TMEM201: variants seen among roughly 807,000 people sequenced by gnomAD.
TMEM201 encodes the protein RP13-15M17.2.
In TMEM201, 26 loss-of-function variants were observed where a neutral mutation model predicts 63.4. That is an observed-to-expected ratio of 0.41 (90% CI 0.30 to 0.57). The LOEUF is 0.57. TMEM201 is among the 20% of genes least tolerant of loss of function. The pLI, the probability that TMEM201 is intolerant of heterozygous loss-of-function variation, is 0.29. For missense variants in TMEM201, 794 were observed against 917.7 expected (o/e 0.87, Z 1.74); for synonymous variants, 417 against 421.6 (o/e 0.99, Z 0.14).
chr1:9,613,425 C>G lies in TMEM201; in HGVS notation c.*342C>G. The G allele has an allele frequency of 2.9e-6, 1 of 344,954 alleles. No homozygotes were observed. Among genetic ancestry groups the G allele is most frequent in the East Asian group, 5.4e-5 (1 of 18,424 alleles). 21.4% of individuals were successfully genotyped at this position (344,954 alleles called of 1,614,324 possible). On this transcript the variant is annotated 3_prime_UTR_variant, in exon 11 of 11. Transcript: ENST00000340381. ...GCCCTGCCTGGCAGGGACGCCAGTA[C>G]TACTGTAACTGCAGCAGGAGCTGCC... is the stretch of plus-strand genomic sequence containing the variant.
rs1407733443 is a variant in TMEM201 at position 9,614,123 on chromosome 1, A to G, written c.*1040A>G. On this transcript the variant is annotated 3_prime_UTR_variant, in exon 11 of 11. Transcript: ENST00000340381. ...GCTATCAGAGCCCCTCCGCTGTCCC[A>G]CCCTGGGCCTGGGACACGGGCCTGG... The G allele has an allele frequency of 1.3e-5, 2 of 150,414 alleles. No individual in the cohort carries two copies. The highest frequency in any genetic ancestry group is 4.9e-5 in the African/African-American group (2 of 40,702). 9.3% of individuals were successfully genotyped at this position (150,414 alleles called of 1,614,324 possible).
In TMEM201 at chr1:9,610,407, C is replaced by T; in HGVS notation, c.1466-99C>T. On this transcript the variant is annotated intron_variant, in intron 8 of 10. Coordinates refer to ENST00000340381, the MANE Select transcript of TMEM201 (RefSeq NM_001130924.3). The surrounding 1 kb of genome is among the most constrained non-coding windows in gnomAD (Gnocchi z 4.9). ...CCAGTCTCTGCACCTTTCCTGTCTT[C>T]CCGGGTTAATAGAAGAATGCCCCCA... 1.6e-6 allele frequency: 2 copies of T among 1,230,390 alleles called. No homozygotes were observed. The highest frequency in any genetic ancestry group is 2.2e-6 in the Non-Finnish European group (2 of 908,078). 76.2% of individuals were successfully genotyped at this position (1,230,390 alleles called of 1,614,324 possible). A position where few individuals can be genotyped will look rare whatever the true frequency, so the allele number is the denominator to read the frequency against.
rs1337330304 is a variant in TMEM201 at position 9,607,368 on chromosome 1, A to G, written c.1161-189A>G. The stretch of plus-strand genomic sequence containing the variant: ...GGGCCGGGTCTTGCTGGCACCTCCC[A>G]GCCACCCGCTCCTAATGGCGTGAAT... On this transcript the variant is annotated intron_variant, in intron 6 of 10. Coordinates refer to ENST00000340381, the MANE Select transcript of TMEM201 (RefSeq NM_001130924.3). The surrounding 1 kb of genome is among the most constrained non-coding windows in gnomAD (Gnocchi z 5.4). Among the ~76,000 whole-genome samples, 1 of 151,828 alleles carries G rather than the reference A, an allele frequency of 6.6e-6. No homozygotes were observed. The highest frequency in any genetic ancestry group is 2.4e-5 in the African/African-American group (1 of 41,312).
rs1644234429 is a variant in TMEM201, at chr1:9,605,927, C to T, written c.1161-1630C>T. 6.6e-6 allele frequency among the ~76,000 whole-genome samples: 1 copy of T among 152,180 alleles called. No homozygotes were observed. The highest frequency in any genetic ancestry group is 2.4e-5 in the African/African-American group (1 of 41,438). On this transcript the variant is annotated intron_variant, in intron 6 of 10. Transcript: ENST00000340381. This position sits in a 1 kb window ranked among gnomAD's most constrained non-coding sequence, Gnocchi z 5.7. ...ACATCCCCCAACGGTACTCTCAGGT[C>T]ACTGGGGGACCTGGTCACCCTTGGC...
At chr1:9,597,241 TGTTA>T (rs1375170955) in intron 3 of TMEM201, among the ~76,000 whole-genome samples, 188 bp downstream of exon 3, 1 of 152,146 alleles carries the variant, frequency 6.6e-6, no homozygotes, top group Non-Finnish European at 1.5e-5. Context: ...TTCCAGGATG[TGTTA>T]GTTCTTCTGA....
At position 9,610,046 on chromosome 1, in the gene TMEM201, C is replaced by A; in HGVS notation, c.1465+135C>A. On this transcript the variant is annotated intron_variant, in intron 8 of 10. Transcript: ENST00000340381. This position sits in a 1 kb window ranked among gnomAD's most constrained non-coding sequence, Gnocchi z 4.9. ...TCACATCTCAGCCCTGGGCAAGTGA[C>A]CTACACACCTGTGCCTCAGTTTCCT... is the stretch of plus-strand genomic sequence containing the variant. 1.3e-6 allele frequency: 1 copy of A among 776,046 alleles called. No homozygotes were observed. The highest frequency in any genetic ancestry group is 1.6e-5 in the South Asian group (1 of 61,592). The allele number at this position is 776,046 out of a possible 1,614,324, so 48.1% of individuals were successfully genotyped here.
intron 4 of TMEM201, among the ~76,000 whole-genome samples, chr1:9,600,353 C>G (rs996894741): frequency 2.2e-4 from 34 of 152,186 alleles, no homozygotes; most frequent in African/African-American, 8.2e-4. Context: ...GCAAGTTTCT[C>G]AGCTTCCCTG....
intron 2 of TMEM201, among the ~76,000 whole-genome samples, 192 bp downstream of exon 2, chr1:9,596,202 G>T (rs1440016658): frequency 6.6e-6 from 1 of 152,204 alleles, no homozygotes; most frequent in Non-Finnish European, 1.5e-5. Context: ...CACTGCCCTG[G>T]CGCTGTCTCC....
chr1:9,595,215 T>C (rs1643995403), intron 1 of TMEM201, among the ~76,000 whole-genome samples: 1 of 152,146 alleles, frequency 6.6e-6, no homozygotes. Context: ...GATCCCCCAG[T>C]GTCTGGGCTG....
chr1:9,602,194 C>G lies in TMEM201; in HGVS notation c.1082C>G (p.Ser361Cys), dbSNP rs1335409431. The G allele has an allele frequency of 8.1e-6, 13 of 1,613,202 alleles. No individual in the cohort carries two copies. The highest frequency in any genetic ancestry group is 1.0e-5 in the Non-Finnish European group (12 of 1,180,014). The change falls in exon 6 of 11, where the codon TCT becomes TGT. Residue 361 changes from serine to cysteine, a missense_variant. Ser to Cys is a moderately radical substitution (Grantham distance 112, BLOSUM62 -1). Coordinates refer to ENST00000340381, the MANE Select transcript of TMEM201 (RefSeq NM_001130924.3). The part of the protein sequence containing the change: ...WLDTLKFSTT[S>C]LCCLVGFTAA... ...GACACGCTCAAGTTCAGCACCACAT[C>G]TTTGTGCTGCCTGGTTGGCTTCACG...
chr1:9,596,175 TCTCA>T (rs1644016755), intron 2 of TMEM201, among the ~76,000 whole-genome samples, 165 bp downstream of exon 2: 1 of 152,204 alleles, frequency 6.6e-6, no homozygotes, highest in Non-Finnish European at 1.5e-5. Flanking sequence ...GTGTACATTG[TCTCA>T]CTCGATTCTC....
chr1:9,598,619 C>G lies in TMEM201; in HGVS notation c.600C>G (p.His200Gln). The G allele has an allele frequency of 1.2e-6, 2 of 1,612,698 alleles. No individual in the cohort carries two copies. The highest frequency in any genetic ancestry group is 2.2e-5 in the South Asian group (2 of 91,026). ...QFKRREADQTHAQNFSSAVKS... is the reference protein window; with the variant it reads ...QFKRREADQTQAQNFSSAVKS... Reference sequence around the variant, plus strand: ...AGCGCCGGGAGGCCGACCAGACCCACGCACAGGTGAGAGGCGGCATCCACA... The same window carrying G: ...AGCGCCGGGAGGCCGACCAGACCCAGGCACAGGTGAGAGGCGGCATCCACA... Residue 200 changes from histidine (H) to glutamine (Q), a missense_variant, in exon 4 of 11, where the codon CAC (histidine) becomes CAG (glutamine). Coordinates refer to ENST00000340381, the MANE Select transcript of TMEM201 (RefSeq NM_001130924.3).
At chr1:9,601,028 GCA>G (rs909604082) in intron 4 of TMEM201, 75 bp from the exon 5 acceptor site, 1 of 1,335,510 alleles carries the variant, frequency 7.5e-7, no homozygotes, top group African/African-American at 1.4e-5. Context: ...CCAGAACCCC[GCA>G]CAGACTGGCA....
Position 9,611,657 on chromosome 1 carries a change from C to A in TMEM201, c.1766-96C>A, listed in dbSNP as rs114261220. 13 of 1,508,508 alleles carry A rather than the reference C, an allele frequency of 8.6e-6. No individual in the cohort carries two copies. The East Asian group carries it at 3.2e-4, about 37-fold the overall frequency. The allele number at this position is 1,508,508 out of a possible 1,614,324, so 93.4% of individuals were successfully genotyped here. A position where few individuals can be genotyped will look rare whatever the true frequency, so the allele number is the denominator to read the frequency against. ...CTTGGGACAGCCTGGCTCACCACTT[C>A]TGACAACTGTCCTTAGAGTGGAAGT... On this transcript the variant is annotated intron_variant, in intron 9 of 10. Transcript: ENST00000340381.
chr1:9,591,769 T>C (rs572526546), intron 1 of TMEM201, among the ~76,000 whole-genome samples: 1 of 151,918 alleles, frequency 6.6e-6, no homozygotes, highest in Non-Finnish European at 1.5e-5. Context: ...GTTTCCAGGC[T>C]CCCCCCTCCC....
intron 7 of TMEM201, among the ~76,000 whole-genome samples, chr1:9,609,044 C>G (rs1644285458): frequency 6.6e-6 from 1 of 152,190 alleles, no homozygotes; most frequent in Admixed American, 6.5e-5. Flanking sequence ...TGCTGTCTCC[C>G]TGTCTGTCCT....
intron 2 of TMEM201, 23 bp from the exon 3 acceptor site, chr1:9,596,836 C>T (rs765525853): frequency 3.4e-5 from 53 of 1,562,178 alleles, no homozygotes; most frequent in Non-Finnish European, 4.2e-5. Flanking sequence ...CTGCCTGCCT[C>T]GAGTCCCACC....
At chr1:9,594,309 G>A (rs1046441962) in intron 1 of TMEM201, among the ~76,000 whole-genome samples, 1 of 152,188 alleles carries the variant, frequency 6.6e-6, no homozygotes. Flanking sequence ...CTTGTCCTCT[G>A]TGAGGGCTTG....
At chr1:9,602,465 CT>C (rs1644164651) in intron 6 of TMEM201, 193 bp downstream of exon 6, 1 of 1,436,088 alleles carries the variant, frequency 7.0e-7, no homozygotes, top group Non-Finnish European at 9.1e-7. Flanking sequence ...CTGCCTTTTC[CT>C]TTCGGGCACC....
Sources: allele counts gnomAD v4.1 joint callset (sites outside exome capture counted in the v4.1 genomes callset), GRCh38; gene constraint gnomAD v4.1.1; non-coding constraint Gnocchi (gnomAD v3.1); transcripts MANE v1.5; gene names NCBI Gene and HGNC (gene_info 2026-07-23, HGNC 2026-07-21).